The following TEX9 variants were observed in gnomAD, a reference collection of about 807,000 sequenced individuals.
The protein encoded by TEX9 is testis expressed 9, also known as testis-expressed protein 9.
In TEX9, 74 loss-of-function variants were observed where a neutral mutation model predicts 59.6. The ratio of observed to expected loss-of-function variants is 1.24; its 90% CI spans 1.03 to 1.51. The LOEUF is 1.51. TEX9 is among the 40% of genes most tolerant of loss of function. The probability of loss-of-function intolerance (pLI) is 0.00; values close to 1 mark genes in which losing one functional copy is unlikely to be tolerated. For synonymous variants in TEX9, 186 were observed against 152.2 expected (o/e 1.22, Z -1.64); for missense variants, 522 against 447.8 (o/e 1.17, Z -1.49).
chr15:56,353,021 A>G (rs944633978), intron 1 of TEX9, among the ~76,000 whole-genome samples: 3 of 152,186 alleles, frequency 2.0e-5, no homozygotes, highest in Non-Finnish European at 4.4e-5. Context: ...GTAAAAGTGA[A>G]GCAAATATTT....
At chr15:56,307,685 A>G (rs577796184) in intron 1 of TEX9, among the ~76,000 whole-genome samples, 2 of 152,304 alleles carry the variant, frequency 1.3e-5, no homozygotes, top group East Asian at 1.9e-4. Context: ...ATTTTAGGAC[A>G]TTTTAATCAC....
intron 1 of TEX9, among the ~76,000 whole-genome samples, chr15:56,348,226 AG>A (rs1397704580): frequency 1.3e-5 from 2 of 152,020 alleles, no homozygotes; most frequent in African/African-American, 4.8e-5. Flanking sequence ...ATATAAAAGG[AG>A]GGGATTAAGA....
intron 1 of TEX9, among the ~76,000 whole-genome samples, chr15:56,309,619 A>G (rs2045558656): frequency 1.3e-5 from 2 of 148,476 alleles, no homozygotes; most frequent in Non-Finnish European, 1.5e-5. Flanking sequence ...AGCTTGAGAA[A>G]GATTGGTGTT....
chr15:56,428,499 T>C, intron 12 of TEX9: 1 of 1,227,614 alleles, frequency 8.1e-7, no homozygotes. Context: ...CCATTTTACT[T>C]ATTGTAGTGG....
chr15:56,444,443 C>G, intron 12 of TEX9: 1 of 1,602,436 alleles, frequency 6.2e-7, no homozygotes, highest in Non-Finnish European at 8.5e-7. Context: ...GATAAACTTA[C>G]AACTGATCTT....
chr15:56,419,047 T>C (rs1412934224), intron 10 of TEX9, among the ~76,000 whole-genome samples: 1 of 151,926 alleles, frequency 6.6e-6, no homozygotes, highest in Non-Finnish European at 1.5e-5. Flanking sequence ...ATCTGTTTAT[T>C]TAAGCCTTCT....
chr15:56,366,859 C>T (rs2141963616), intron 2 of TEX9, among the ~76,000 whole-genome samples: 1 of 152,322 alleles, frequency 6.6e-6, no homozygotes, highest in Admixed American at 6.5e-5. Context: ...CAATTTACCA[C>T]AGCAAGTAGG....
intron 12 of TEX9, chr15:56,443,500 T>C (rs567555276): frequency 3.1e-5 from 50 of 1,601,416 alleles, no homozygotes; most frequent in South Asian, 3.0e-4. Flanking sequence ...TTCCAAATCT[T>C]CACGTTGCCG....
At chr15:56,253,310 A>G (rs1284537647) in intron 1 of TEX9, among the ~76,000 whole-genome samples, 8 of 152,174 alleles carry the variant, frequency 5.3e-5, no homozygotes, top group Admixed American at 2.0e-4. Context: ...CAAAAATCAT[A>G]AAACAAGGAG....
chr15:56,434,678 T>C (rs2140331226), intron 12 of TEX9, among the ~76,000 whole-genome samples: 1 of 152,278 alleles, frequency 6.6e-6, no homozygotes, highest in East Asian at 1.9e-4. Flanking sequence ...TGGAAAGAGC[T>C]GTTACAAAAG....
At chr15:56,304,547 T>G (rs1457612488) in intron 1 of TEX9, among the ~76,000 whole-genome samples, 1 of 152,240 alleles carries the variant, frequency 6.6e-6, no homozygotes, top group African/African-American at 2.4e-5. Context: ...TCACATTGAT[T>G]GATCTGTGTA....
intron 10 of TEX9, among the ~76,000 whole-genome samples, chr15:56,417,320 T>C (rs756991384): frequency 6.6e-6 from 1 of 151,908 alleles, no homozygotes; most frequent in Non-Finnish European, 1.5e-5. Context: ...TTATAACTTT[T>C]TGATGTGGGC....
At chr15:56,435,199 A>G (rs2140332930) in intron 12 of TEX9, among the ~76,000 whole-genome samples, 1 of 152,168 alleles carries the variant, frequency 6.6e-6, no homozygotes, top group African/African-American at 2.4e-5. Flanking sequence ...ATGTATATAT[A>G]TAGCACTAAA....
intron 1 of TEX9, among the ~76,000 whole-genome samples, chr15:56,308,386 T>A (rs929123654): frequency 1.3e-4 from 20 of 152,302 alleles, no homozygotes; most frequent in African/African-American, 4.1e-4. Context: ...TCTATTCCAA[T>A]CCTTTGCCCA....
intron 10 of TEX9, among the ~76,000 whole-genome samples, chr15:56,419,467 TACCA>T (rs2049860970): frequency 6.6e-6 from 1 of 151,934 alleles, no homozygotes; most frequent in South Asian, 2.1e-4. Context: ...TGAGAGATCT[TACCA>T]GGAATGGATG....
At chr15:56,379,680 C>T (rs988806046) in intron 3 of TEX9, among the ~76,000 whole-genome samples, 1 of 152,156 alleles carries the variant, frequency 6.6e-6, no homozygotes, top group Non-Finnish European at 1.5e-5. Flanking sequence ...CTAGCTCTCT[C>T]TTTAGCTCGA....
intron 12 of TEX9, among the ~76,000 whole-genome samples, chr15:56,440,615 A>G (rs1596259506): frequency 1.3e-5 from 2 of 152,212 alleles, no homozygotes; most frequent in Non-Finnish European, 2.9e-5. Context: ...ATACATGCCA[A>G]TGGAATGTTA....
chr15:56,373,479 T>G (rs371877735), exon 3 of TEX9: 19 of 1,577,930 alleles, frequency 1.2e-5, no homozygotes, highest in Non-Finnish European at 1.5e-5. Context: ...ACAGCTGACG[T>G]GGTTCAACAA....
the TEX9 span, among the ~76,000 whole-genome samples, chr15:56,459,990 C>CAAAAAAAAAAAAAAA: frequency 1.6e-3 from 18 of 11,114 alleles, 3 homozygotes; most frequent in African/African-American, 4.9e-3. Flanking sequence ...AATTCTGTCT[C>CAAAAAAAAAAAAAAA]AAAAAAAAAA....
Sources: gnomAD v4.1 joint callset for allele counts (sites outside exome capture counted in the v4.1 genomes callset) on GRCh38, gnomAD v4.1.1 for gene constraint, MANE v1.5 for transcripts, NCBI Gene and HGNC (gene_info 2026-07-23, HGNC 2026-07-21) for gene names.